The following CNTNAP3B variants were observed in gnomAD, a reference collection of about 807,000 sequenced individuals.
CNTNAP3B encodes contactin associated protein family member 3B, also known as contactin-associated protein-like 3B.
Under a neutral mutation model 108.9 loss-of-function variants are expected in CNTNAP3B, and 25 were observed. The observed-to-expected ratio is 0.23, with a 90% CI of 0.17 to 0.32. The LOEUF (loss-of-function observed/expected upper bound fraction) is 0.32, where lower values mean the gene tolerates loss of function less well. Ranked by LOEUF, CNTNAP3B falls within the 10% of genes least tolerant of loss-of-function variation. The pLI, the probability that CNTNAP3B is intolerant of heterozygous loss-of-function variation, is 1.00. For synonymous variants in CNTNAP3B, 103 were observed against 473.4 expected (o/e 0.22, Z 10.16); for missense variants, 252 against 1,210.4 (o/e 0.21, Z 11.75).
chr9:41,941,098 G>C (rs1356681552), intron 13 of CNTNAP3B, among the ~76,000 whole-genome samples: 6 of 150,230 alleles, frequency 4.0e-5, no homozygotes, highest in African/African-American at 1.5e-4. Context: ...GAAGATAAAG[G>C]ACCCAAATAG....
intron 3 of CNTNAP3B, among the ~76,000 whole-genome samples, chr9:42,047,740 C>T (rs1325447965): frequency 2.1e-5 from 2 of 95,796 alleles, no homozygotes; most frequent in Admixed American, 1.1e-4. Flanking sequence ...CTGCCCCTCG[C>T]CCCTCTCACC....
chr9:41,933,729 C>A (rs912100665), intron 14 of CNTNAP3B, among the ~76,000 whole-genome samples: 2 of 152,260 alleles, frequency 1.3e-5, no homozygotes, highest in Non-Finnish European at 2.9e-5. Flanking sequence ...AGGTTTGTTT[C>A]TTTTCCAAAC....
At chr9:42,125,733 C>T (rs1272599752) in intron 1 of CNTNAP3B, among the ~76,000 whole-genome samples, 2 of 129,164 alleles carry the variant, frequency 1.5e-5, no homozygotes, top group Non-Finnish European at 3.2e-5. Flanking sequence ...TGCAGTGGCA[C>T]GATCTCAGCT....
At position 41,947,767 on chromosome 9, in the gene CNTNAP3B, A is replaced by G. The variant is rs920964831; in HGVS notation, c.2080+5416T>C. Among the ~76,000 whole-genome samples, 996 of 152,212 alleles carry G rather than the reference A, an allele frequency of 6.5e-3. 9 individuals carry two copies. The highest frequency in any genetic ancestry group is 0.023 in the African/African-American group (957 of 41,448). ...CTAGTTCTAAAAAACAGTAAGATTGAAAAACTTCTATAAAGACTGACAGAC... is the reference window on the plus strand; with the variant it reads ...CTAGTTCTAAAAAACAGTAAGATTGGAAAACTTCTATAAAGACTGACAGAC... On this transcript the variant is annotated intron_variant, in intron 13 of 23. Coordinates refer to ENST00000377561, the MANE Select transcript of CNTNAP3B (RefSeq NM_001201380.3).
rs1318677496 is a variant in CNTNAP3B, at chr9:42,095,994, T to G, written c.196+8635A>C. Among the ~76,000 whole-genome samples, 8 of 138,394 alleles carry G rather than the reference T, an allele frequency of 5.8e-5. 3 individuals carry two copies. The highest frequency in any genetic ancestry group is 5.7e-4 in the Admixed American group (8 of 13,960). 90.8% of individuals were successfully genotyped at this position (138,394 alleles called of 152,430 possible). ...TCCACAACGTTTTGGTGACCCTTTC[T>G]CCTCCCTCTGCCAGACCTCAGGCAG... is the stretch of plus-strand genomic sequence containing the variant. On this transcript the variant is annotated intron_variant, in intron 2 of 23. Transcript: ENST00000377561.
intron 3 of CNTNAP3B, among the ~76,000 whole-genome samples, chr9:42,029,723 G>C (rs1826477881): frequency 1.7e-5 from 2 of 118,418 alleles, no homozygotes; most frequent in Non-Finnish European, 3.4e-5. Context: ...TAGAGACACA[G>C]TTTCACCATG....
chr9:41,939,776 T>A lies in CNTNAP3B; in HGVS notation c.2081-1376A>T, dbSNP rs1288318418. On this transcript the variant is annotated intron_variant, in intron 13 of 23. Transcript: ENST00000377561. ...CCCCATAAAGTAGTAAAAATGTATT[T>A]TTTTAGAAACAGTAACAAAAAGATG... Among the ~76,000 whole-genome samples the A allele has an allele frequency of 3.9e-5, 6 of 152,392 alleles. No homozygotes were observed. In the East Asian group the frequency reaches 7.7e-4, roughly 20 times the overall value.
At chr9:41,948,232 T>A (rs1310820091) in intron 13 of CNTNAP3B, among the ~76,000 whole-genome samples, 1 of 144,676 alleles carries the variant, frequency 6.9e-6, no homozygotes, top group Non-Finnish European at 1.5e-5. Flanking sequence ...GCTGGGATTA[T>A]AGGTGTGTGC....
intron 1 of CNTNAP3B, among the ~76,000 whole-genome samples, chr9:42,125,674 T>G (rs1399703440): frequency 3.0e-5 from 4 of 133,110 alleles, no homozygotes; most frequent in Non-Finnish European, 4.8e-5. Flanking sequence ...TGTTTTTTTT[T>G]TTTTGTTTTT....
intron 2 of CNTNAP3B, among the ~76,000 whole-genome samples, chr9:42,086,098 C>T (rs1827697462): frequency 7.1e-6 from 1 of 140,068 alleles, no homozygotes; most frequent in Admixed American, 7.1e-5. Flanking sequence ...GCTGAGGAGG[C>T]CTCACAATCA....
At chr9:42,049,742 CTTG>C (rs1321518978) in intron 3 of CNTNAP3B, among the ~76,000 whole-genome samples, 1 of 82,600 alleles carries the variant, frequency 1.2e-5, no homozygotes, top group African/African-American at 5.6e-5. Context: ...ACTAGGGACT[CTTG>C]TTGTTCCCTG....
At position 42,098,549 on chromosome 9, in the gene CNTNAP3B, C is replaced by T. The variant is rs531269545; in HGVS notation, c.196+6080G>A. Among the ~76,000 whole-genome samples the T allele has an allele frequency of 9.4e-4, 76 of 80,542 alleles. 17 individuals are homozygous for T. Among genetic ancestry groups the T allele is most frequent in the Middle Eastern group, 6.4e-3 (1 of 156 alleles). The allele number at this position is 80,542 out of a possible 152,430, so 52.8% of individuals were successfully genotyped here. A position where few individuals can be genotyped will look rare whatever the true frequency, so the allele number is the denominator to read the frequency against. ...AGTGAGCAGAGATCATGCCACTGCA[C>T]TCCAGCCTGGGTGACAGAGCGAGAC... On this transcript the variant is annotated intron_variant, in intron 2 of 23. Transcript: ENST00000377561.
At chr9:41,930,746 G>C (rs1449071162) in intron 14 of CNTNAP3B, among the ~76,000 whole-genome samples, 9 of 152,280 alleles carry the variant, frequency 5.9e-5, no homozygotes, top group African/African-American at 2.2e-4. Context: ...AATACAAAGA[G>C]ACCTGGAGGA....
chr9:41,945,454 A>G (rs1347492694), intron 13 of CNTNAP3B, among the ~76,000 whole-genome samples: 11,854 of 139,888 alleles, frequency 0.085, 11 homozygotes, highest in East Asian at 0.2. Context: ...GGATGAGTTC[A>G]TGTCCTTTGT....
chr9:41,930,774 G>T (rs1240712994), intron 14 of CNTNAP3B, among the ~76,000 whole-genome samples: 5 of 152,264 alleles, frequency 3.3e-5, no homozygotes, highest in Non-Finnish European at 7.3e-5. Flanking sequence ...GGGGAACCTG[G>T]GGTCCTGGTC....
chr9:41,970,892 TAAC>T (rs1402278320), intron 9 of CNTNAP3B, among the ~76,000 whole-genome samples: 1 of 147,766 alleles, frequency 6.8e-6, no homozygotes, highest in Non-Finnish European at 1.5e-5. Flanking sequence ...ATTCTAATGT[TAAC>T]AACAACACAA....
intron 3 of CNTNAP3B, among the ~76,000 whole-genome samples, chr9:42,014,790 C>CAAAAA (rs1223418860): frequency 9.7e-4 from 22 of 22,628 alleles, no homozygotes; most frequent in Admixed American, 2.3e-3. Flanking sequence ...GACTCCGTCA[C>CAAAAA]AAAAAAAAAA....
chr9:41,928,338 T>A (rs1176628958), intron 15 of CNTNAP3B, among the ~76,000 whole-genome samples: 5 of 152,186 alleles, frequency 3.3e-5, no homozygotes, highest in African/African-American at 1.2e-4. Flanking sequence ...CCCAGGTGGA[T>A]GCTACACACA....
At chr9:41,965,189 T>C (rs1384677160) in intron 10 of CNTNAP3B, among the ~76,000 whole-genome samples, 1 of 152,298 alleles carries the variant, frequency 6.6e-6, no homozygotes, top group Non-Finnish European at 1.5e-5. Flanking sequence ...TATGTCAATA[T>C]GACCCAAAGC....
Sources: allele counts gnomAD v4.1 joint callset (sites outside exome capture counted in the v4.1 genomes callset), GRCh38; gene constraint gnomAD v4.1.1; transcripts MANE v1.5; gene names NCBI Gene and HGNC (gene_info 2026-07-23, HGNC 2026-07-21).